Variants in EMC1 observed in about 807,000 individuals in gnomAD.
EMC1 encodes the protein ER membrane protein complex subunit 1.
Under a neutral mutation model 128.8 loss-of-function variants are expected in EMC1, and 103 were observed. The observed-to-expected ratio is 0.80, with a 90% CI of 0.68 to 0.94. The LOEUF (loss-of-function observed/expected upper bound fraction) is 0.94. EMC1 is among the 40% of genes least tolerant of loss of function. The pLI is 0.00. For missense variants in EMC1, 1,083 were observed against 1,250.6 expected, an observed-to-expected ratio of 0.87 and a Z score of 2.02; for synonymous variants, 442 against 490.4, an observed-to-expected ratio of 0.90 and a Z score of 1.30.
chr1:19,222,545 G>T, intron 20 of EMC1, 79 bp downstream of exon 20: 1 of 1,272,490 alleles, frequency 7.9e-7, no homozygotes, highest in Non-Finnish European at 1.1e-6. Flanking sequence ...GGCTCTGCCA[G>T]CAATGTGTCC....
At chr1:19,222,309 TTTAA>T (rs1239682456) in intron 20 of EMC1, among the ~76,000 whole-genome samples, 1 of 151,142 alleles carries the variant, frequency 6.6e-6, no homozygotes, top group East Asian at 2.0e-4. Flanking sequence ...AAAAAATTTT[TTTAA>T]TTAGCCAGGT....
intron 12 of EMC1, among the ~76,000 whole-genome samples, chr1:19,235,652 G>C (rs750066334): frequency 3.9e-5 from 6 of 152,132 alleles, no homozygotes; most frequent in Admixed American, 2.0e-4. Context: ...AGTGAGCCGA[G>C]ATTGTGCCAT....
At chr1:19,244,461 G>C (rs1388582570) in intron 2 of EMC1, 1 of 254,228 alleles carries the variant, frequency 3.9e-6, no homozygotes, top group Admixed American at 5.1e-5. Context: ...GCCCAGGCTG[G>C]AGTGAACTGG....
intron 1 of EMC1, among the ~76,000 whole-genome samples, chr1:19,249,327 G>A (rs2151967870): frequency 6.6e-6 from 1 of 152,184 alleles, no homozygotes; most frequent in East Asian, 1.9e-4. Context: ...CATGTTAAGT[G>A]CCCTATACCA....
chr1:19,224,487 G>A (rs1234214787), intron 18 of EMC1, among the ~76,000 whole-genome samples: 1 of 152,008 alleles, frequency 6.6e-6, no homozygotes, highest in East Asian at 1.9e-4. Flanking sequence ...CTAAAGCCTC[G>A]AGTTATCCTT....
rs35897979 is a variant in EMC1, at chr1:19,236,967, CAAAA to C, written c.1309+171_1309+174del. 2.4e-4 allele frequency among the ~76,000 whole-genome samples: 14 copies of C among 58,386 alleles called. No homozygotes were observed. The South Asian group carries it at 5.9e-3, about 24-fold the overall frequency. 38.3% of individuals were successfully genotyped at this position (58,386 alleles called of 152,430 possible). Reference sequence around the variant, plus strand: ...TGGGCAAGAGAGCAAGACTCTATCTCAAAAAAAAAAAAAAAAAAAAAAAAGCAGG... The same window carrying C: ...TGGGCAAGAGAGCAAGACTCTATCTCAAAAAAAAAAAAAAAAAAAAGCAGG... On this transcript the variant is annotated intron_variant, in intron 12 of 22. Coordinates refer to ENST00000477853, the MANE Select transcript of EMC1 (RefSeq NM_015047.3).
chr1:19,239,896 G>A lies in EMC1; in HGVS notation c.876C>T (p.Phe292=), dbSNP rs2093593839. 4 of 1,614,160 alleles carry A rather than the reference G, an allele frequency of 2.5e-6. No homozygotes were observed. The part of the protein sequence containing the change: ...NPVDASRAQF[F]LHLSPSHYAL... ...CATAGTGGCTTGGGGACAAGTGCAG[G>A]AAGAACTGGGCCCGGGAAGCGTCCA... is the stretch of plus-strand genomic sequence containing the variant. The change falls in exon 8 of 23, where the codon TTC becomes TTT. Residue 292 remains phenylalanine (F), a synonymous_variant. Coordinates refer to ENST00000477853, the MANE Select transcript of EMC1 (RefSeq NM_015047.3).
At chr1:19,233,254 G>A in intron 13 of EMC1, 119 bp from the exon 14 acceptor site, 1 of 854,254 alleles carries the variant, frequency 1.2e-6, no homozygotes, top group Non-Finnish European at 1.8e-6. Context: ...CACACTCTAG[G>A]CCACAAGCCC....
intron 5 of EMC1, among the ~76,000 whole-genome samples, chr1:19,242,060 G>A (rs891424808): frequency 6.6e-6 from 1 of 152,146 alleles, no homozygotes; most frequent in African/African-American, 2.4e-5. Context: ...AAGTCAGAAG[G>A]CACAAAGTAC....
intron 3 of EMC1, 28 bp from the exon 4 acceptor site, chr1:19,243,735 C>T: frequency 6.2e-7 from 1 of 1,607,738 alleles, no homozygotes; most frequent in East Asian, 2.2e-5. Flanking sequence ...GTGGTGAAGT[C>T]ATTTCCCACT....
At chr1:19,242,176 T>A (rs1558110990) in intron 5 of EMC1, among the ~76,000 whole-genome samples, 169 bp downstream of exon 5, 1 of 151,402 alleles carries the variant, frequency 6.6e-6, no homozygotes, top group Non-Finnish European at 1.5e-5. Context: ...TACTCCGGAG[T>A]TTCACCCATA....
intron 16 of EMC1, 121 bp from the exon 17 acceptor site, chr1:19,231,084 T>C (rs1558099497): frequency 7.1e-7 from 1 of 1,400,960 alleles, no homozygotes; most frequent in East Asian, 2.3e-5. Flanking sequence ...TTCAGTTCTG[T>C]TAAGAACCTG....
intron 13 of EMC1, among the ~76,000 whole-genome samples, chr1:19,234,636 A>T (rs918592532): frequency 4.6e-5 from 7 of 152,184 alleles, no homozygotes; most frequent in African/African-American, 1.7e-4. Context: ...TCATGAGGTC[A>T]GGAGTTTGAG....
chr1:19,250,150 G>C (rs771166527), intron 1 of EMC1, among the ~76,000 whole-genome samples: 3 of 149,198 alleles, frequency 2.0e-5, no homozygotes, highest in African/African-American at 7.4e-5. Context: ...CCCCAGAGGC[G>C]GAGGTTGTGG....
chr1:19,227,509 G>A (rs1227953793), intron 17 of EMC1, 59 bp from the exon 18 acceptor site: 8 of 1,595,000 alleles, frequency 5.0e-6, no homozygotes, highest in Admixed American at 1.7e-5. Flanking sequence ...TGAAACAGCT[G>A]GAGTTAGACA....
chr1:19,230,829 GAC>G lies in EMC1; in HGVS notation c.2064+13_2064+14del. 1 of 1,613,928 alleles carries G rather than the reference GAC, an allele frequency of 6.2e-7. No individual in the cohort carries two copies. The highest frequency in any genetic ancestry group is 8.5e-7 in the Non-Finnish European group (1 of 1,179,974). On this transcript the variant is annotated intron_variant, in intron 17 of 22. Coordinates refer to ENST00000477853, the MANE Select transcript of EMC1 (RefSeq NM_015047.3). The stretch of plus-strand genomic sequence containing the variant: ...TCTCATCCACAAAGGGTTGTGCCAG[GAC>G]ATGCCTTCCTACCTTTCGAAGCCGA...
At chr1:19,245,274 T>C (rs1057042020) in intron 1 of EMC1, among the ~76,000 whole-genome samples, 16 of 152,100 alleles carry the variant, frequency 1.1e-4, no homozygotes, top group African/African-American at 3.4e-4. Flanking sequence ...CCCGTCTGTC[T>C]CTATGAAAAA....
Position 19,217,140 on chromosome 1 carries a change from C to CA in EMC1, c.*2162dup, listed in dbSNP as rs1179583421. ...ATTGAGAGAGGAAACATAGTCTCAG[C>CA]AGCCATTAGTGGAGACTGAGTGTAG... On this transcript the variant is annotated 3_prime_UTR_variant, in exon 23 of 23. Transcript: ENST00000477853. The CA allele has an allele frequency of 1.3e-5, 2 of 152,250 alleles. No individual in the cohort carries two copies. Among genetic ancestry groups the CA allele is most frequent in the African/African-American group, 4.8e-5 (2 of 41,464 alleles). 9.4% of individuals were successfully genotyped at this position (152,250 alleles called of 1,614,324 possible). A position where few individuals can be genotyped will look rare whatever the true frequency, so the allele number is the denominator to read the frequency against.
intron 1 of EMC1, among the ~76,000 whole-genome samples, chr1:19,248,467 C>A (rs1217614046): frequency 6.6e-6 from 1 of 152,086 alleles, no homozygotes; most frequent in African/African-American, 2.4e-5. Flanking sequence ...TGTTGCCAGG[C>A]TGAGTGCAGT....
Sources: allele counts gnomAD v4.1 joint callset (sites outside exome capture counted in the v4.1 genomes callset), GRCh38; gene constraint gnomAD v4.1.1; transcripts MANE v1.5; gene names NCBI Gene and HGNC (gene_info 2026-07-23, HGNC 2026-07-21).